JARID2: variants seen among roughly 807,000 people sequenced by gnomAD.
The protein encoded by JARID2 is jumonji and AT-rich interaction domain containing 2.
A neutral mutation model predicts 125.6 loss-of-function variants in JARID2; 21 were observed. The observed-to-expected ratio is 0.17, with a 90% CI of 0.12 to 0.24. The LOEUF (loss-of-function observed/expected upper bound fraction) is 0.24, where lower values mean the gene tolerates loss of function less well. Ranked by LOEUF, JARID2 falls within the 10% of genes least tolerant of loss-of-function variation. The probability of loss-of-function intolerance (pLI) is 1.00; values close to 1 mark genes in which losing one functional copy is unlikely to be tolerated. For missense variants in JARID2, 1,303 were observed against 1,639.6 expected (o/e 0.79, Z 3.55); for synonymous variants, 736 against 661.6 (o/e 1.11, Z -1.73).
rs1415642129 is a variant in JARID2, at chr6:15,496,784, C to T, written c.1559C>T (p.Ala520Val). 1 of 1,611,914 alleles carries T rather than the reference C, an allele frequency of 6.2e-7. No individual in the cohort carries two copies. The highest frequency in any genetic ancestry group is 1.3e-5 in the African/African-American group (1 of 75,042). Residue 520 changes from alanine to valine, a missense_variant, in exon 7 of 18, where the codon GCC becomes GTC. Physicochemically the swap from Ala to Val is moderately conservative, Grantham distance 64 (BLOSUM62 0). Coordinates refer to ENST00000341776, the MANE Select transcript of JARID2 (RefSeq NM_004973.4). ...GRQAHGKADS[A>V]SCENRSTSQP... The stretch of plus-strand genomic sequence containing the variant: ...CAAGCACATGGCAAGGCGGACAGCG[C>T]CTCCTGTGAAAATCGTTCTACCTCG...
intron 1 of JARID2, among the ~76,000 whole-genome samples, chr6:15,253,011 T>A (rs1465558872): frequency 6.6e-6 from 1 of 152,216 alleles, no homozygotes; most frequent in African/African-American, 2.4e-5. Flanking sequence ...TTAATCTTTC[T>A]TGGGACTTCA....
intron 2 of JARID2, chr6:15,400,805 G>A (rs961074798): frequency 5.6e-6 from 7 of 1,240,664 alleles, no homozygotes; most frequent in East Asian, 5.7e-5. Flanking sequence ...TCCTATTGCC[G>A]CGCGGAATCT....
At chr6:15,331,201 G>A (rs1427489885) in intron 1 of JARID2, among the ~76,000 whole-genome samples, 2 of 152,028 alleles carry the variant, frequency 1.3e-5, no homozygotes, top group East Asian at 3.9e-4. Context: ...GGGCATGGTG[G>A]CACACACCTC....
intron 1 of JARID2, among the ~76,000 whole-genome samples, chr6:15,360,284 A>C (rs561398624): frequency 1.1e-4 from 16 of 152,100 alleles, no homozygotes; most frequent in Admixed American, 3.3e-4. Flanking sequence ...GTCCTGGTTC[A>C]AGCAGTTTTC....
chr6:15,254,633 C>A (rs1484356155), intron 1 of JARID2, among the ~76,000 whole-genome samples: 1 of 152,140 alleles, frequency 6.6e-6, no homozygotes, highest in East Asian at 1.9e-4. Flanking sequence ...ATTTTAAGTT[C>A]TAATTTTGTA....
At chr6:15,287,067 G>A (rs576628275) in intron 1 of JARID2, among the ~76,000 whole-genome samples, 2 of 151,728 alleles carry the variant, frequency 1.3e-5, no homozygotes, top group South Asian at 4.2e-4. Context: ...CGGAGGTTGC[G>A]GTCAGCCCAG....
At chr6:15,260,089 TTTAAAGA>T (rs1417299277) in intron 1 of JARID2, among the ~76,000 whole-genome samples, 1 of 152,206 alleles carries the variant, frequency 6.6e-6, no homozygotes, top group Non-Finnish European at 1.5e-5. Flanking sequence ...CTGAAAGAAT[TTTAAAGA>T]TGCATGAAAG....
chr6:15,513,470 T>G (rs764726801), intron 16 of JARID2, 48 bp downstream of exon 16: 3 of 1,529,850 alleles, frequency 2.0e-6, no homozygotes, highest in South Asian at 1.3e-5. Context: ...GTGCTTGGCC[T>G]GAGAGCTCCG....
At chr6:15,336,243 G>A (rs1401556933) in intron 1 of JARID2, among the ~76,000 whole-genome samples, 1 of 152,256 alleles carries the variant, frequency 6.6e-6, no homozygotes, top group African/African-American at 2.4e-5. Flanking sequence ...CTGAGGGAGG[G>A]AAGGAAAAGT....
At chr6:15,465,829 AG>A (rs1581602699) in intron 4 of JARID2, among the ~76,000 whole-genome samples, 2 of 150,646 alleles carry the variant, frequency 1.3e-5, no homozygotes, top group East Asian at 3.9e-4. Flanking sequence ...TTTGAGACGG[AG>A]TCTTGTTCTG....
chr6:15,426,466 A>C (rs182617511), intron 3 of JARID2, among the ~76,000 whole-genome samples: 3 of 152,310 alleles, frequency 2.0e-5, no homozygotes, highest in East Asian at 1.9e-4. Context: ...GGCAGACTGG[A>C]AATGACCAAG....
chr6:15,312,721 G>A (rs1339216750), intron 1 of JARID2, among the ~76,000 whole-genome samples: 1 of 152,218 alleles, frequency 6.6e-6, no homozygotes, highest in African/African-American at 2.4e-5. Flanking sequence ...TGTTCTTCCT[G>A]TGACTCACTC....
intron 1 of JARID2, among the ~76,000 whole-genome samples, chr6:15,277,117 A>G (rs1244979886): frequency 6.6e-6 from 1 of 152,188 alleles, no homozygotes; most frequent in Non-Finnish European, 1.5e-5. Flanking sequence ...AAGTAACATA[A>G]GTACATAATA....
At chr6:15,503,122 G>A (rs556863415) in intron 8 of JARID2, among the ~76,000 whole-genome samples, 6 of 152,202 alleles carry the variant, frequency 3.9e-5, no homozygotes, top group East Asian at 3.9e-4. Flanking sequence ...GGAGCTCTGC[G>A]TGGTGGCCAT....
intron 1 of JARID2, among the ~76,000 whole-genome samples, chr6:15,300,159 G>A (rs1307501551): frequency 2.6e-5 from 4 of 152,202 alleles, no homozygotes; most frequent in African/African-American, 9.7e-5. Context: ...GTTGGGATAG[G>A]CAGAAATCTG....
At chr6:15,465,038 A>G (rs1030712096) in intron 4 of JARID2, among the ~76,000 whole-genome samples, 2 of 152,106 alleles carry the variant, frequency 1.3e-5, no homozygotes, top group Admixed American at 1.3e-4. Flanking sequence ...TCTTTCTTCC[A>G]TTTTAGCCCC....
At position 15,463,354 on chromosome 6, in the gene JARID2, G is replaced by C. The variant is rs76993138; in HGVS notation, c.494-5188G>C. Among the ~76,000 whole-genome samples, 130 of 151,948 alleles carry C rather than the reference G, an allele frequency of 8.6e-4. 2 individuals are homozygous for C. In the East Asian group the frequency reaches 0.018, roughly 21 times the overall value. On this transcript the variant is annotated intron_variant, in intron 4 of 17. Transcript: ENST00000341776. ...TCTCACTTGCTAAATAATGTGAACA[G>C]AGCTTGTGTTTTTGCCATGCAGAGT...
At chr6:15,323,325 G>GGT (rs938814278) in intron 1 of JARID2, among the ~76,000 whole-genome samples, 2 of 152,086 alleles carry the variant, frequency 1.3e-5, no homozygotes, top group East Asian at 1.9e-4. Flanking sequence ...GAATGAGCCA[G>GGT]GTGTGTGTGT....
At chr6:15,357,257 A>G (rs1285820121) in intron 1 of JARID2, among the ~76,000 whole-genome samples, 2 of 152,264 alleles carry the variant, frequency 1.3e-5, no homozygotes, top group African/African-American at 4.8e-5. Context: ...AGCATACATC[A>G]CATGGGATTT....
Sources: gnomAD v4.1 joint callset for allele counts (sites outside exome capture counted in the v4.1 genomes callset) on GRCh38, gnomAD v4.1.1 for gene constraint, MANE v1.5 for transcripts, NCBI Gene and HGNC (gene_info 2026-07-23, HGNC 2026-07-21) for gene names.